GC: variants seen among roughly 807,000 people sequenced by gnomAD.
The protein encoded by GC is GC vitamin D binding protein.
Under a neutral mutation model 56.7 loss-of-function variants are expected in GC, and 43 were observed. The observed-to-expected ratio is 0.76, with a 90% CI of 0.59 to 0.98. The LOEUF is 0.98. Ranked by LOEUF, GC falls within the 50% of genes least tolerant of loss-of-function variation. The probability of loss-of-function intolerance (pLI) is 0.00; values close to 1 mark genes in which losing one functional copy is unlikely to be tolerated. For synonymous variants in GC, 216 were observed against 202.7 expected, an observed-to-expected ratio of 1.07 and a Z score of -0.56; for missense variants, 529 against 545.9, an observed-to-expected ratio of 0.97 and a Z score of 0.31.
intron 1 of GC, among the ~76,000 whole-genome samples, chr4:71,781,036 C>A (rs1192479142): frequency 1.3e-5 from 2 of 152,014 alleles, no homozygotes; most frequent in Non-Finnish European, 2.9e-5. Context: ...ACATATAGAC[C>A]ATGGAATACT....
chr4:71,748,527 C>T (rs1741448661), intron 11 of GC, among the ~76,000 whole-genome samples: 1 of 152,010 alleles, frequency 6.6e-6, no homozygotes, highest in Non-Finnish European at 1.5e-5. Context: ...TTAAAGGAAG[C>T]ATAGTAATGA....
chr4:71,746,791 A>T (rs999321150), intron 11 of GC, among the ~76,000 whole-genome samples: 1 of 151,482 alleles, frequency 6.6e-6, no homozygotes, highest in East Asian at 1.9e-4. Context: ...AAAAAAAAAA[A>T]AAAACTACTT....
At position 71,769,413 on chromosome 4, in the gene GC, A is replaced by T; in HGVS notation, c.59-13T>A. 6.3e-7 allele frequency: 1 copy of T among 1,593,202 alleles called. No homozygotes were observed. On this transcript the variant is annotated splice_polypyrimidine_tract_variant and intron_variant, in intron 1 of 12. Transcript: ENST00000273951. ...TCATAATCCCGGCCTAGGAGGCAGA[A>T]ATAGAAAAATTTGTATGTGTCCCCT...
chr4:71,754,584 T>C (rs1741656086), intron 9 of GC, 76 bp from the exon 10 acceptor site: 4 of 800,958 alleles, frequency 5.0e-6, no homozygotes, highest in Non-Finnish European at 6.3e-6. Context: ...AAATCAAAAT[T>C]CCAAATATTG....
At chr4:71,780,483 A>G (rs1742637819) in intron 1 of GC, among the ~76,000 whole-genome samples, 3 of 152,168 alleles carry the variant, frequency 2.0e-5, no homozygotes, top group African/African-American at 7.2e-5. Flanking sequence ...CAATGTACCC[A>G]TCTGACAAAG....
chr4:71,795,946 G>A (rs1368511873), intron 1 of GC, among the ~76,000 whole-genome samples: 1 of 152,142 alleles, frequency 6.6e-6, no homozygotes, highest in African/African-American at 2.4e-5. Flanking sequence ...GAAATTCTGG[G>A]TTGACAATTC....
At chr4:71,754,327 A>G in intron 10 of GC, 84 bp downstream of exon 10, 1 of 683,408 alleles carries the variant, frequency 1.5e-6, no homozygotes, top group Non-Finnish European at 2.6e-6. Flanking sequence ...GACAAGCTTA[A>G]GTGTTCAACT....
chr4:71,781,227 GC>G (rs1156347277), intron 1 of GC, among the ~76,000 whole-genome samples: 2 of 151,834 alleles, frequency 1.3e-5, no homozygotes, highest in Non-Finnish European at 2.9e-5. Context: ...ATAGCCTGGG[GC>G]CTGTCATGGG....
intron 1 of GC, among the ~76,000 whole-genome samples, chr4:71,798,342 T>A (rs2149310762): frequency 6.6e-6 from 1 of 152,352 alleles, no homozygotes; most frequent in Middle Eastern, 3.4e-3. Flanking sequence ...GTTGACTGAT[T>A]TTTATCTGAA....
At chr4:71,796,218 G>T (rs1170248237) in intron 1 of GC, among the ~76,000 whole-genome samples, 1 of 152,152 alleles carries the variant, frequency 6.6e-6, no homozygotes, top group African/African-American at 2.4e-5. Context: ...TGCCTTGCTG[G>T]TTTGGGGAAG....
At chr4:71,760,978 AGTAAATTT>A (rs1411078847) in intron 6 of GC, among the ~76,000 whole-genome samples, 1 of 152,224 alleles carries the variant, frequency 6.6e-6, no homozygotes, top group African/African-American at 2.4e-5. Flanking sequence ...AGATTAATAC[AGTAAATTT>A]GTACCAGGAG....
At chr4:71,759,293 T>C (rs528466810) in intron 6 of GC, among the ~76,000 whole-genome samples, 5 of 152,330 alleles carry the variant, frequency 3.3e-5, no homozygotes, top group African/African-American at 1.2e-4. Context: ...TTTTAAGATA[T>C]ATACCCAGAA....
At chr4:71,786,949 C>T (rs111428623), upstream of GC, among the ~76,000 whole-genome samples, 161 of 151,810 alleles carry the variant, frequency 1.1e-3, 1 homozygote, top group African/African-American at 3.6e-3. Context: ...ATTAGTGGAT[C>T]GAAGTAATAT....
intron 1 of GC, among the ~76,000 whole-genome samples, chr4:71,772,143 C>T (rs1742363466): frequency 6.6e-6 from 1 of 152,084 alleles, no homozygotes; most frequent in South Asian, 2.1e-4. Flanking sequence ...TATAAGATCA[C>T]TTGCTGGGGA....
chr4:71,762,172 A>G (rs1000858016), intron 6 of GC, among the ~76,000 whole-genome samples: 1 of 152,206 alleles, frequency 6.6e-6, no homozygotes, highest in African/African-American at 2.4e-5. Context: ...GCCCAAGACC[A>G]TGGGAATATG....
At chr4:71,779,825 GC>G (rs2149305639) in intron 1 of GC, among the ~76,000 whole-genome samples, 1 of 151,946 alleles carries the variant, frequency 6.6e-6, no homozygotes, top group East Asian at 1.9e-4. Context: ...AGTGATGAGA[GC>G]TGTATGACTT....
intron 1 of GC, among the ~76,000 whole-genome samples, chr4:71,799,538 G>A (rs1403243008): frequency 6.6e-6 from 1 of 152,186 alleles, no homozygotes; most frequent in African/African-American, 2.4e-5. Flanking sequence ...TTTGGCAGGA[G>A]TCCTAGGTCA....
At chr4:71,798,531 G>C (rs1417877778) in intron 1 of GC, among the ~76,000 whole-genome samples, 1 of 152,136 alleles carries the variant, frequency 6.6e-6, no homozygotes. Context: ...ACCTGTGTGA[G>C]CTAGATTTGT....
chr4:71,785,372 G>A (rs757491854), upstream of GC, among the ~76,000 whole-genome samples: 10 of 151,726 alleles, frequency 6.6e-5, no homozygotes, highest in Non-Finnish European at 1.3e-4. Flanking sequence ...AGACAGCCCT[G>A]TGTCCAGGGT....
Sources: gnomAD v4.1 joint callset for allele counts (sites outside exome capture counted in the v4.1 genomes callset) on GRCh38, gnomAD v4.1.1 for gene constraint, MANE v1.5 for transcripts, NCBI Gene and HGNC (gene_info 2026-07-23, HGNC 2026-07-21) for gene names.